The following FAM135B variants were observed in gnomAD, a reference collection of about 807,000 sequenced individuals.
FAM135B encodes the protein protein FAM135B.
Under a neutral mutation model 127.7 loss-of-function variants are expected in FAM135B, and 43 were observed. The observed-to-expected ratio is 0.34, with a 90% CI of 0.26 to 0.43. FAM135B has a LOEUF of 0.43. FAM135B is among the 20% of genes least tolerant of loss of function. FAM135B has a pLI of 1.00. For synonymous variants in FAM135B, 670 were observed against 665.1 expected (o/e 1.01, Z -0.11); for missense variants, 1,558 against 1,725.6 (o/e 0.90, Z 1.72).
At chr8:138,422,031 A>G (rs1379865984) in intron 1 of FAM135B, among the ~76,000 whole-genome samples, 1 of 152,170 alleles carries the variant, frequency 6.6e-6, no homozygotes, top group Admixed American at 6.5e-5. Context: ...AGGTCTCCCT[A>G]TTCAATAAAT....
intron 3 of FAM135B, among the ~76,000 whole-genome samples, chr8:138,283,296 T>C (rs555941510): frequency 6.9e-4 from 105 of 152,208 alleles, no homozygotes; most frequent in African/African-American, 1.6e-3. Context: ...AATGAGCCGT[T>C]GGGCCATAAA....
intron 1 of FAM135B, among the ~76,000 whole-genome samples, chr8:138,390,898 G>A (rs1832531681): frequency 6.6e-6 from 1 of 152,186 alleles, no homozygotes; most frequent in Non-Finnish European, 1.5e-5. Context: ...CTTCAGAAAT[G>A]TACACTTTGG....
chr8:138,356,809 G>T (rs1036632608), intron 2 of FAM135B, among the ~76,000 whole-genome samples: 1 of 152,154 alleles, frequency 6.6e-6, no homozygotes, highest in Non-Finnish European at 1.5e-5. Context: ...TGGAAGATTT[G>T]TAGACATTTT....
chr8:138,460,877 T>C (rs1281526826), intron 1 of FAM135B, among the ~76,000 whole-genome samples: 2 of 152,264 alleles, frequency 1.3e-5, no homozygotes, highest in Middle Eastern at 6.8e-3. Context: ...AACTCCACCC[T>C]GAACCTCAGC....
chr8:138,251,543 AACTG>A (rs1204327407), intron 5 of FAM135B, among the ~76,000 whole-genome samples: 1 of 152,170 alleles, frequency 6.6e-6, no homozygotes, highest in African/African-American at 2.4e-5. Context: ...TAAAATGAAC[AACTG>A]ACTGACTGAA....
At chr8:138,304,744 T>C (rs6577908) in intron 3 of FAM135B, among the ~76,000 whole-genome samples, 152,174 of 152,328 alleles carry the variant, frequency 1, 76,010 homozygotes, top group Non-Finnish European at 1. Context: ...AAGGATACAG[T>C]GGCAATGCTG....
At chr8:138,394,401 T>A (rs1317758767) in intron 1 of FAM135B, among the ~76,000 whole-genome samples, 3 of 152,078 alleles carry the variant, frequency 2.0e-5, no homozygotes, top group Admixed American at 6.5e-5. Context: ...TTCTCCCCAT[T>A]TGACTGATGA....
intron 12 of FAM135B, among the ~76,000 whole-genome samples, chr8:138,158,578 C>T (rs992876743): frequency 7.2e-5 from 11 of 152,124 alleles, no homozygotes; most frequent in Admixed American, 1.3e-4. Flanking sequence ...CTACAAAGAA[C>T]TTAAACAAAT....
At chr8:138,320,778 A>G (rs2130942414) in intron 2 of FAM135B, among the ~76,000 whole-genome samples, 1 of 152,348 alleles carries the variant, frequency 6.6e-6, no homozygotes, top group South Asian at 2.1e-4. Context: ...CAGGTGAAGG[A>G]ATGAATAAGT....
chr8:138,327,091 G>C (rs929133819), intron 2 of FAM135B, among the ~76,000 whole-genome samples: 1 of 152,082 alleles, frequency 6.6e-6, no homozygotes, highest in African/African-American at 2.4e-5. Flanking sequence ...AATATGAAGT[G>C]ATAAGAAAAT....
chr8:138,336,342 A>C (rs1294173361), intron 2 of FAM135B, among the ~76,000 whole-genome samples: 1 of 152,230 alleles, frequency 6.6e-6, no homozygotes, highest in Non-Finnish European at 1.5e-5. Context: ...AAGACCAACA[A>C]AATTGATAGA....
intron 7 of FAM135B, among the ~76,000 whole-genome samples, chr8:138,208,035 GCTGCTTCACACCCAA>G (rs1817836342): frequency 6.6e-6 from 1 of 152,146 alleles, no homozygotes; most frequent in African/African-American, 2.4e-5. Context: ...GTTTTTCAGT[GCTGCTTCACACCCAA>G]CTTCAGATTC....
intron 1 of FAM135B, among the ~76,000 whole-genome samples, chr8:138,480,136 A>G (rs1369398712): frequency 6.6e-6 from 1 of 152,200 alleles, no homozygotes; most frequent in East Asian, 1.9e-4. Flanking sequence ...CTGGGAGTTG[A>G]GCACTGGCTC....
At chr8:138,345,836 C>T (rs1431145038) in intron 2 of FAM135B, among the ~76,000 whole-genome samples, 2 of 152,322 alleles carry the variant, frequency 1.3e-5, no homozygotes, top group South Asian at 2.1e-4. Context: ...TCAGTTTCTC[C>T]ATCTGAGAAG....
chr8:138,226,897 A>C (rs938018207), intron 7 of FAM135B, among the ~76,000 whole-genome samples: 1 of 152,028 alleles, frequency 6.6e-6, no homozygotes, highest in Admixed American at 6.6e-5. Context: ...AGGTTTCACC[A>C]TGTTGGCCAG....
intron 5 of FAM135B, among the ~76,000 whole-genome samples, chr8:138,252,837 G>C (rs771485596): frequency 7.2e-5 from 11 of 152,140 alleles, no homozygotes; most frequent in Non-Finnish European, 1.0e-4. Flanking sequence ...TGTCACCCAG[G>C]CTGCCAGGCT....
chr8:138,277,446 T>C (rs1374061913), intron 3 of FAM135B, among the ~76,000 whole-genome samples: 1 of 152,162 alleles, frequency 6.6e-6, no homozygotes, highest in Non-Finnish European at 1.5e-5. Flanking sequence ...TCACCTTGAC[T>C]CAGACTTGGC....
intron 3 of FAM135B, among the ~76,000 whole-genome samples, chr8:138,303,961 C>T (rs951474482): frequency 2.0e-5 from 3 of 152,206 alleles, no homozygotes; most frequent in Non-Finnish European, 4.4e-5. Context: ...AACCCTACTT[C>T]CTAATTGCTA....
At chr8:138,278,506 TG>T (rs1415954714) in intron 3 of FAM135B, among the ~76,000 whole-genome samples, 1 of 150,784 alleles carries the variant, frequency 6.6e-6, no homozygotes, top group Non-Finnish European at 1.5e-5. Flanking sequence ...ACTGTGGTAC[TG>T]GGGGAGAACT....
Sources: allele counts gnomAD v4.1 joint callset (sites outside exome capture counted in the v4.1 genomes callset), GRCh38; gene constraint gnomAD v4.1.1; transcripts MANE v1.5; gene names NCBI Gene and HGNC (gene_info 2026-07-23, HGNC 2026-07-21).